CCDC171: variants seen among roughly 807,000 people sequenced by gnomAD.
CCDC171 encodes the protein coiled-coil domain-containing protein 171.
A neutral mutation model predicts 168.2 loss-of-function variants in CCDC171; 177 were observed. The ratio of observed to expected loss-of-function variants is 1.05; its 90% CI spans 0.93 to 1.19. The LOEUF (loss-of-function observed/expected upper bound fraction) is 1.19, where lower values mean the gene tolerates loss of function less well. Among genes scored for constraint, CCDC171 ranks in the 50% most tolerant of loss-of-function variants. The pLI, the probability that CCDC171 is intolerant of heterozygous loss-of-function variation, is 0.00. For missense variants in CCDC171, 1,991 were observed against 1,539.0 expected (o/e 1.29, Z -4.91); for synonymous variants, 687 against 540.8 (o/e 1.27, Z -3.75).
intron 7 of CCDC171, among the ~76,000 whole-genome samples, chr9:15,641,890 G>A (rs916201284): frequency 2.0e-5 from 3 of 152,162 alleles, no homozygotes; most frequent in South Asian, 2.1e-4. Flanking sequence ...TTGGCTAGGC[G>A]TAGTGGCTCA....
At chr9:15,915,469 G>C (rs1321876697) in intron 24 of CCDC171, among the ~76,000 whole-genome samples, 1 of 151,890 alleles carries the variant, frequency 6.6e-6, no homozygotes, top group Admixed American at 6.6e-5. Flanking sequence ...CATTAATTTT[G>C]CATCCTGAAA....
intron 7 of CCDC171, among the ~76,000 whole-genome samples, chr9:15,624,359 A>G (rs1471379518): frequency 6.6e-6 from 1 of 152,182 alleles, no homozygotes; most frequent in Non-Finnish European, 1.5e-5. Flanking sequence ...ACATGTGCAC[A>G]ACATTCAGGC....
chr9:15,835,234 A>C (rs1440754266), intron 21 of CCDC171, among the ~76,000 whole-genome samples: 1 of 152,208 alleles, frequency 6.6e-6, no homozygotes, highest in Non-Finnish European at 1.5e-5. Flanking sequence ...TGAATAAATG[A>C]TAGTGATTAA....
intron 4 of CCDC171, among the ~76,000 whole-genome samples, chr9:15,586,777 C>A (rs2041593676): frequency 1.3e-5 from 2 of 152,044 alleles, no homozygotes; most frequent in South Asian, 2.1e-4. Context: ...AGGAGCCATT[C>A]CTTCCAGCTT....
intron 3 of CCDC171, among the ~76,000 whole-genome samples, chr9:16,004,705 C>T (rs1227216053): frequency 6.6e-6 from 1 of 152,152 alleles, no homozygotes; most frequent in Admixed American, 6.5e-5. Context: ...TGTCTAAATT[C>T]GAGACCTCTG....
At chr9:15,915,595 A>G (rs75328464) in intron 24 of CCDC171, among the ~76,000 whole-genome samples, 2 of 152,096 alleles carry the variant, frequency 1.3e-5, no homozygotes, top group Non-Finnish European at 2.9e-5. Context: ...GCCAATTATG[A>G]TACCTGTTAT....
intron 16 of CCDC171, among the ~76,000 whole-genome samples, chr9:15,741,362 A>G (rs1271637609): frequency 6.6e-6 from 1 of 152,160 alleles, no homozygotes; most frequent in African/African-American, 2.4e-5. Flanking sequence ...TAGTGTGTAT[A>G]TTTTGTATAA....
downstream of CCDC171, among the ~76,000 whole-genome samples, chr9:16,066,008 A>G (rs374063548): frequency 6.6e-6 from 1 of 152,074 alleles, no homozygotes. Flanking sequence ...AAGTCTAGAA[A>G]CTTGGTCTTC....
chr9:15,928,007 A>G (rs1157928608), intron 25 of CCDC171, among the ~76,000 whole-genome samples: 1 of 151,690 alleles, frequency 6.6e-6, no homozygotes, highest in East Asian at 1.9e-4. Flanking sequence ...GAGAGAGGCT[A>G]TACAGTGCAC....
At chr9:15,842,842 T>C (rs2060739946) in intron 21 of CCDC171, among the ~76,000 whole-genome samples, 2 of 151,928 alleles carry the variant, frequency 1.3e-5, no homozygotes, top group African/African-American at 2.4e-5. Context: ...AGAAATATAA[T>C]ATTATGTATG....
chr9:15,603,442 C>G lies in CCDC171; in HGVS notation c.675+9270C>G, dbSNP rs138433758. Among the ~76,000 whole-genome samples, 1,449 of 152,196 alleles carry G rather than the reference C, an allele frequency of 9.5e-3. 14 individuals are homozygous for G. Among genetic ancestry groups the G allele is most frequent in the Non-Finnish European group, 0.013 (889 of 68,010 alleles). The stretch of plus-strand genomic sequence containing the variant: ...TTGACAGGCCCCAGTGTGTGTTGTT[C>G]CCCTCCCTGTGTCCATGTGTTCTCA... On this transcript the variant is annotated intron_variant, in intron 6 of 25. Coordinates refer to ENST00000380701, the MANE Select transcript of CCDC171 (RefSeq NM_173550.4).
intron 23 of CCDC171, among the ~76,000 whole-genome samples, chr9:15,852,801 C>G (rs1008518683): frequency 6.6e-6 from 1 of 151,288 alleles, no homozygotes; most frequent in East Asian, 1.9e-4. Flanking sequence ...TATGGCAATC[C>G]AATTATTCCA....
In CCDC171 at chr9:15,818,476, A is replaced by G. The variant is rs539329648; in HGVS notation, c.3268-28226A>G. Among the ~76,000 whole-genome samples the G allele has an allele frequency of 1.7e-5, 2 of 118,042 alleles. 1 individual carries two copies. Among genetic ancestry groups the G allele is most frequent in the East Asian group, 4.3e-4 (2 of 4,690 alleles). 77.4% of individuals were successfully genotyped at this position (118,042 alleles called of 152,430 possible). A position where few individuals can be genotyped will look rare whatever the true frequency, so the allele number is the denominator to read the frequency against. On this transcript the variant is annotated intron_variant, in intron 21 of 25. Coordinates refer to ENST00000380701, the MANE Select transcript of CCDC171 (RefSeq NM_173550.4). ...AAAATTAGACGAATGGCTAACTAGA[A>G]TAACCAATGCAGAGAAGTCCTTAAA...
intron 6 of CCDC171, among the ~76,000 whole-genome samples, chr9:15,618,451 A>G (rs1033473166): frequency 6.6e-6 from 1 of 152,192 alleles, no homozygotes; most frequent in Non-Finnish European, 1.5e-5. Flanking sequence ...TTAGCTTGCT[A>G]GGCTCCGTGG....
At chr9:15,847,816 A>T (rs1246571603) in intron 22 of CCDC171, among the ~76,000 whole-genome samples, 1 of 152,088 alleles carries the variant, frequency 6.6e-6, no homozygotes, top group Non-Finnish European at 1.5e-5. Flanking sequence ...GCTTTGCCAC[A>T]GGGTTTGTGA....
At chr9:15,832,712 G>A (rs897993718) in intron 21 of CCDC171, among the ~76,000 whole-genome samples, 1 of 152,294 alleles carries the variant, frequency 6.6e-6, no homozygotes, top group Admixed American at 6.5e-5. Context: ...GGACATTACT[G>A]TATACTGCTG....
chr9:15,990,359 A>G (rs1832146953), intron 3 of CCDC171, among the ~76,000 whole-genome samples: 1 of 152,220 alleles, frequency 6.6e-6, no homozygotes, highest in Non-Finnish European at 1.5e-5. Context: ...AAAATCCTTA[A>G]CAGACAAGCA....
the CCDC171 span, among the ~76,000 whole-genome samples, chr9:16,067,024 G>A: frequency 1.3e-5 from 2 of 152,088 alleles, no homozygotes; most frequent in African/African-American, 2.4e-5. Flanking sequence ...CTAGATCCCT[G>A]AGGAATTGCC....
At chr9:16,102,843 G>A in the CCDC171 span, among the ~76,000 whole-genome samples, 2 of 152,158 alleles carry the variant, frequency 1.3e-5, no homozygotes, top group African/African-American at 4.8e-5. Flanking sequence ...GGAGATGTGA[G>A]TTTAATGAGA....
Sources: allele counts gnomAD v4.1 joint callset (sites outside exome capture counted in the v4.1 genomes callset), GRCh38; gene constraint gnomAD v4.1.1; transcripts MANE v1.5; gene names NCBI Gene and HGNC (gene_info 2026-07-23, HGNC 2026-07-21).